The following MDGA2 variants were observed in gnomAD, a reference collection of about 807,000 sequenced individuals.
MDGA2 encodes MAM domain-containing glycosylphosphatidylinositol anchor protein 2.
Under a neutral mutation model 117.8 loss-of-function variants are expected in MDGA2, and 40 were observed. The ratio of observed to expected loss-of-function variants is 0.34; its 90% confidence interval spans 0.26 to 0.44. The LOEUF is 0.44. MDGA2 is among the 20% of genes least tolerant of loss of function. MDGA2 has a pLI of 1.00. For missense variants in MDGA2, 1,123 were observed against 1,250.6 expected (o/e 0.90, Z 1.54); for synonymous variants, 452 against 439.0 (o/e 1.03, Z -0.37).
At chr14:47,079,459 T>C (rs2138880313) in intron 6 of MDGA2, among the ~76,000 whole-genome samples, 1 of 152,206 alleles carries the variant, frequency 6.6e-6, no homozygotes, top group South Asian at 2.1e-4. Flanking sequence ...CTATTTGGGG[T>C]ACAAGCTAGA....
chr14:46,996,949 G>T, intron 8 of MDGA2: 1 of 405,798 alleles, frequency 2.5e-6, no homozygotes, highest in Non-Finnish European at 4.7e-6. Context: ...GGGTGAAGTA[G>T]GGAACTTTGG....
intron 1 of MDGA2, among the ~76,000 whole-genome samples, chr14:47,357,173 G>C (rs1891013749): frequency 6.6e-6 from 1 of 152,150 alleles, no homozygotes; most frequent in African/African-American, 2.4e-5. Context: ...CTAGGACAGT[G>C]CACTGAGAGC....
chr14:47,186,824 C>T (rs1884929546), intron 3 of MDGA2, among the ~76,000 whole-genome samples: 1 of 151,910 alleles, frequency 6.6e-6, no homozygotes, highest in South Asian at 2.1e-4. Flanking sequence ...AATATATCTG[C>T]TGCATTTCTT....
intron 7 of MDGA2, chr14:47,058,819 C>T (rs774100171): frequency 1.5e-5 from 15 of 985,658 alleles, no homozygotes; most frequent in Non-Finnish European, 1.8e-5. Flanking sequence ...CCTTCTATCA[C>T]AATAAAATCT....
intron 1 of MDGA2, among the ~76,000 whole-genome samples, chr14:47,664,899 A>G (rs1468411960): frequency 6.6e-6 from 1 of 152,230 alleles, no homozygotes; most frequent in East Asian, 1.9e-4. Context: ...TTCTGAAGAA[A>G]TGGTCAGTTA....
intron 1 of MDGA2, among the ~76,000 whole-genome samples, chr14:47,601,620 TAAGA>T (rs1365390209): frequency 1.3e-5 from 2 of 152,156 alleles, no homozygotes; most frequent in Non-Finnish European, 2.9e-5. Context: ...TTATTTTAAA[TAAGA>T]AAGACAATAG....
At chr14:47,540,457 C>T (rs1280286421) in intron 1 of MDGA2, among the ~76,000 whole-genome samples, 2 of 150,912 alleles carry the variant, frequency 1.3e-5, no homozygotes, top group Admixed American at 1.3e-4. Flanking sequence ...ACACACACTC[C>T]GTCCCTCCCC....
chr14:46,935,337 C>T (rs1365658389), intron 9 of MDGA2, among the ~76,000 whole-genome samples: 3 of 152,078 alleles, frequency 2.0e-5, no homozygotes, highest in African/African-American at 7.2e-5. Context: ...CCCTACATAT[C>T]CCGCACCTAA....
chr14:47,213,286 T>C (rs553591311), intron 3 of MDGA2, among the ~76,000 whole-genome samples: 9 of 152,314 alleles, frequency 5.9e-5, no homozygotes, highest in African/African-American at 2.2e-4. Context: ...CAGATTTCCA[T>C]TGTGCGGACC....
intron 1 of MDGA2, among the ~76,000 whole-genome samples, chr14:47,303,654 T>C (rs1448543423): frequency 6.6e-6 from 1 of 152,140 alleles, no homozygotes; most frequent in African/African-American, 2.4e-5. Context: ...AATCTATAAA[T>C]GCTTGCAAAA....
intron 1 of MDGA2, among the ~76,000 whole-genome samples, chr14:47,424,999 G>T (rs535263512): frequency 6.6e-6 from 1 of 152,294 alleles, no homozygotes; most frequent in South Asian, 2.1e-4. Flanking sequence ...AAGGTAGATA[G>T]GGGAAATCCA....
At chr14:47,242,636 C>T (rs1457234407) in intron 2 of MDGA2, among the ~76,000 whole-genome samples, 5 of 151,758 alleles carry the variant, frequency 3.3e-5, no homozygotes, top group South Asian at 2.1e-4. Context: ...GCTGGCCCAC[C>T]AGCGCTGCGC....
chr14:47,635,240 A>T (rs1281893056), intron 1 of MDGA2, among the ~76,000 whole-genome samples: 2 of 152,212 alleles, frequency 1.3e-5, no homozygotes, highest in South Asian at 2.1e-4. Context: ...AAGTCCAAGG[A>T]TTCTGTATCT....
intron 2 of MDGA2, among the ~76,000 whole-genome samples, chr14:47,294,627 C>A (rs1355795237): frequency 1.3e-5 from 2 of 151,544 alleles, no homozygotes; most frequent in Admixed American, 6.6e-5. Flanking sequence ...TATAGTAGAA[C>A]CTAAACCTGC....
At chr14:47,187,607 T>A (rs1229609614) in intron 3 of MDGA2, among the ~76,000 whole-genome samples, 5 of 152,136 alleles carry the variant, frequency 3.3e-5, no homozygotes, top group African/African-American at 1.2e-4. Flanking sequence ...TACACCAAAA[T>A]TTATATATCC....
intron 5 of MDGA2, among the ~76,000 whole-genome samples, chr14:47,110,605 CTT>C (rs913585542): frequency 5.3e-5 from 8 of 152,072 alleles, no homozygotes; most frequent in African/African-American, 1.9e-4. Flanking sequence ...GACTCTGTAA[CTT>C]TATTTTATAG....
At chr14:47,278,477 A>C (rs1438432571) in intron 2 of MDGA2, among the ~76,000 whole-genome samples, 1 of 151,976 alleles carries the variant, frequency 6.6e-6, no homozygotes, top group Non-Finnish European at 1.5e-5. Context: ...CTTTCACCAT[A>C]AACTGTCAGG....
At chr14:46,981,670 G>A (rs1317906707) in intron 8 of MDGA2, among the ~76,000 whole-genome samples, 1 of 152,158 alleles carries the variant, frequency 6.6e-6, no homozygotes, top group Non-Finnish European at 1.5e-5. Flanking sequence ...CACAAGAAGA[G>A]CGCATCACTG....
chr14:47,295,388 C>G (rs1889029263), intron 2 of MDGA2, among the ~76,000 whole-genome samples: 1 of 152,158 alleles, frequency 6.6e-6, no homozygotes, highest in South Asian at 2.1e-4. Context: ...TTCAAATGTT[C>G]AGTATTCCTA....
Sources: gnomAD v4.1 joint callset for allele counts (sites outside exome capture counted in the v4.1 genomes callset) on GRCh38, gnomAD v4.1.1 for gene constraint, MANE v1.5 for transcripts, NCBI Gene and HGNC (gene_info 2026-07-23, HGNC 2026-07-21) for gene names.